The following COL21A1 variants were observed in gnomAD, a reference collection of about 807,000 sequenced individuals.
COL21A1 encodes the protein collagen alpha-1(XXI) chain.
Under a neutral mutation model 137.9 loss-of-function variants are expected in COL21A1, and 149 were observed. That is an observed-to-expected ratio of 1.08 (90% CI 0.95 to 1.24). The LOEUF (loss-of-function observed/expected upper bound fraction) is 1.24, where lower values mean the gene tolerates loss of function less well. Ranked by LOEUF, COL21A1 falls within the 50% of genes most tolerant of loss-of-function variation. The pLI, the probability that COL21A1 is intolerant of heterozygous loss-of-function variation, is 0.00. For synonymous variants in COL21A1, 456 were observed against 391.5 expected, an observed-to-expected ratio of 1.16 and a Z score of -1.95; for missense variants, 1,167 against 1,158.4, an observed-to-expected ratio of 1.01 and a Z score of -0.11.
intron 5 of COL21A1, among the ~76,000 whole-genome samples, chr6:56,169,210 A>C (rs1335093278): frequency 6.6e-6 from 1 of 151,868 alleles, no homozygotes; most frequent in East Asian, 1.9e-4. Flanking sequence ...ATAATTTTCA[A>C]ATCTATCTAG....
intron 1 of COL21A1, among the ~76,000 whole-genome samples, chr6:56,272,005 C>G (rs1358795431): frequency 6.6e-6 from 1 of 152,184 alleles, no homozygotes; most frequent in Non-Finnish European, 1.5e-5. Context: ...TCAAGGAGAA[C>G]CTCTACTAGG....
chr6:56,365,554 C>G (rs911817174), intron 1 of COL21A1, among the ~76,000 whole-genome samples: 2 of 151,954 alleles, frequency 1.3e-5, no homozygotes, highest in Non-Finnish European at 2.9e-5. Flanking sequence ...AAGCTGCCTC[C>G]CCTCCCCTTT....
At chr6:56,085,109 C>G (rs1376551970) in intron 17 of COL21A1, among the ~76,000 whole-genome samples, 1 of 151,992 alleles carries the variant, frequency 6.6e-6, no homozygotes, top group East Asian at 1.9e-4. Flanking sequence ...CATTTTCCCA[C>G]AGTCATAGAA....
intron 1 of COL21A1, among the ~76,000 whole-genome samples, chr6:56,305,689 A>G (rs1484748817): frequency 3.3e-5 from 5 of 152,090 alleles, no homozygotes; most frequent in Admixed American, 6.5e-5. Context: ...TCTTGATCCA[A>G]TTTGCCAGTC....
chr6:56,159,967 A>T (rs574919489), intron 9 of COL21A1, among the ~76,000 whole-genome samples: 1 of 152,256 alleles, frequency 6.6e-6, no homozygotes, highest in Non-Finnish European at 1.5e-5. Flanking sequence ...ATGTGACTTC[A>T]TAAAGACTGG....
chr6:56,093,106 A>G (rs1768997156), intron 17 of COL21A1, among the ~76,000 whole-genome samples: 1 of 152,084 alleles, frequency 6.6e-6, no homozygotes, highest in East Asian at 1.9e-4. Context: ...TAATCTCCCT[A>G]TGACAAGATA....
At chr6:56,134,329 C>T (rs9367676) in intron 12 of COL21A1, among the ~76,000 whole-genome samples, 88,131 of 152,022 alleles carry the variant, frequency 0.58, 26,135 homozygotes, top group East Asian at 0.83. Flanking sequence ...GGCCTTTACC[C>T]CCTTCGTTTT....
At chr6:56,168,008 C>A (rs913677074) in intron 6 of COL21A1, 116 bp downstream of exon 6, 5 of 685,766 alleles carry the variant, frequency 7.3e-6, no homozygotes, top group South Asian at 8.4e-5. Flanking sequence ...TTTTGGTGAA[C>A]AACTTAAGGG....
intron 1 of COL21A1, among the ~76,000 whole-genome samples, chr6:56,219,817 T>G (rs1780720322): frequency 6.6e-6 from 1 of 152,104 alleles, no homozygotes; most frequent in Non-Finnish European, 1.5e-5. Context: ...GACTTACACT[T>G]TATTCATTTT....
intron 13 of COL21A1, 99 bp from the exon 14 acceptor site, chr6:56,125,719 A>G: frequency 1.5e-6 from 1 of 686,512 alleles, no homozygotes; most frequent in Non-Finnish European, 2.3e-6. Flanking sequence ...TAATATGCCA[A>G]AAGCAAAACA....
intron 1 of COL21A1, among the ~76,000 whole-genome samples, chr6:56,271,756 A>T (rs1763531306): frequency 6.6e-6 from 1 of 152,202 alleles, no homozygotes; most frequent in Non-Finnish European, 1.5e-5. Context: ...CAGCTTCAGG[A>T]CTTGGTGTCC....
intron 10 of COL21A1, among the ~76,000 whole-genome samples, chr6:56,156,304 A>G (rs1775737339): frequency 6.6e-6 from 1 of 152,182 alleles, no homozygotes; most frequent in African/African-American, 2.4e-5. Flanking sequence ...ATTCTCTTCA[A>G]CTTGACTAAA....
chr6:56,189,735 C>A (rs146066153), intron 1 of COL21A1, among the ~76,000 whole-genome samples: 321 of 152,274 alleles, frequency 2.1e-3, no homozygotes, highest in African/African-American at 7.4e-3. Flanking sequence ...TCAGGTTACC[C>A]ATAAACAGAA....
rs80327428 is a variant in COL21A1 at position 56,270,672 on chromosome 6, C to T, written c.-38-88016G>A. On this transcript the variant is annotated intron_variant, in intron 1 of 28. Transcript: ENST00000370819. Reference sequence around the variant, plus strand: ...ATCTCATCTCAAATTGTAATCCCCACGTGTCCTGAAAGACATCTGGTAGGA... The same window carrying T: ...ATCTCATCTCAAATTGTAATCCCCATGTGTCCTGAAAGACATCTGGTAGGA... Among the ~76,000 whole-genome samples the T allele has an allele frequency of 1.9e-4, 29 of 152,292 alleles. No individual in the cohort carries two copies. The East Asian group carries it at 4.6e-3, about 24-fold the overall frequency.
chr6:56,313,798 C>A (rs1445386567), intron 1 of COL21A1, among the ~76,000 whole-genome samples: 1 of 151,918 alleles, frequency 6.6e-6, no homozygotes, highest in Non-Finnish European at 1.5e-5. Flanking sequence ...CCATTTAGAT[C>A]CTTGATAGAA....
At chr6:56,110,860 T>C (rs1771365114) in intron 16 of COL21A1, among the ~76,000 whole-genome samples, 2 of 152,198 alleles carry the variant, frequency 1.3e-5, no homozygotes, top group South Asian at 4.1e-4. Context: ...TGTTCATGGA[T>C]TGAAAAATTC....
chr6:56,196,506 A>T (rs6911907), intron 1 of COL21A1, among the ~76,000 whole-genome samples: 98,345 of 151,986 alleles, frequency 0.65, 32,239 homozygotes, highest in East Asian at 0.86. Flanking sequence ...AGAAGTACAT[A>T]CAATAAACTT....
At chr6:56,307,431 C>T (rs1764491703) in intron 1 of COL21A1, among the ~76,000 whole-genome samples, 1 of 152,206 alleles carries the variant, frequency 6.6e-6, no homozygotes, top group Non-Finnish European at 1.5e-5. Flanking sequence ...GGTGGGCACC[C>T]CTCCCCCAGC....
rs199979695 is a variant in COL21A1, at chr6:56,075,520, G to A, written c.1870C>T (p.Pro624Ser). The A allele has an allele frequency of 5.3e-5, 80 of 1,521,470 alleles. No homozygotes were observed. The highest frequency in any genetic ancestry group is 6.5e-5 in the Non-Finnish European group (74 of 1,135,782). 94.2% of individuals were successfully genotyped at this position (1,521,470 alleles called of 1,614,324 possible). A position where few individuals can be genotyped will look rare whatever the true frequency, so the allele number is the denominator to read the frequency against. Residue 624 changes from proline to serine, a missense_variant, in exon 19 of 30, where the codon CCT becomes TCT. Transcript: ENST00000244728. ...GLMGQKGEIGPPGQQGKKGAP... is the reference protein window; with the variant it reads ...GLMGQKGEIGSPGQQGKKGAP... ...CCTTTTTTTCCTTGCTGTCCTGGAG[G>A]CCCAATTTCTCCCTAAAAAAATCAA...
Sources: allele counts gnomAD v4.1 joint callset (sites outside exome capture counted in the v4.1 genomes callset), GRCh38; gene constraint gnomAD v4.1.1; transcripts MANE v1.5; gene names NCBI Gene and HGNC (gene_info 2026-07-23, HGNC 2026-07-21).